The following SDK1 variants were observed in gnomAD, a reference collection of about 807,000 sequenced individuals.
SDK1 encodes the protein protein sidekick-1.
A neutral mutation model predicts 245.5 loss-of-function variants in SDK1; 157 were observed. That is an observed-to-expected ratio of 0.64 (90% CI 0.56 to 0.73). SDK1 has a LOEUF of 0.73. Among genes scored for constraint, SDK1 ranks in the 30% least tolerant of loss-of-function variants. The pLI is 0.00. For missense variants in SDK1, 3,583 were observed against 3,002.3 expected (o/e 1.19, Z -4.52); for synonymous variants, 1,647 against 1,278.5 (o/e 1.29, Z -6.15).
chr7:3,638,969 T>G (rs754348527), intron 2 of SDK1, 35 bp from the exon 3 acceptor site: 3 of 1,318,284 alleles, frequency 2.3e-6, no homozygotes, highest in Non-Finnish European at 3.2e-6. Flanking sequence ...AAACACTGGA[T>G]ATAAGCATTA....
intron 1 of SDK1, among the ~76,000 whole-genome samples, chr7:3,441,396 A>G (rs71527445): frequency 6.7e-6 from 1 of 149,624 alleles, no homozygotes; most frequent in Admixed American, 6.7e-5. Flanking sequence ...AAAACAAAAA[A>G]CAAACAAAAA....
chr7:3,790,018 C>T (rs1020794980), intron 4 of SDK1, among the ~76,000 whole-genome samples: 6 of 152,132 alleles, frequency 3.9e-5, no homozygotes, highest in Admixed American at 3.3e-4. Flanking sequence ...ACCTCTCCCC[C>T]TTCCCGAGGA....
At chr7:3,328,462 G>C (rs922561320) in intron 1 of SDK1, among the ~76,000 whole-genome samples, 44 of 151,804 alleles carry the variant, frequency 2.9e-4, no homozygotes, top group Non-Finnish European at 5.6e-4. Context: ...AGTGTGGCAA[G>C]ACCCAAACTT....
intron 1 of SDK1, among the ~76,000 whole-genome samples, chr7:3,549,306 T>G (rs960692648): frequency 6.6e-6 from 1 of 152,208 alleles, no homozygotes; most frequent in African/African-American, 2.4e-5. Flanking sequence ...GACACAGTAT[T>G]ATTTATTTTT....
rs1485993385 is a variant in SDK1, at chr7:4,070,306, TC to T, written c.3010+2372del. 4.6e-5 allele frequency among the ~76,000 whole-genome samples: 7 copies of T among 152,308 alleles called. No individual in the cohort carries two copies. The South Asian group carries it at 1.4e-3, about 32-fold the overall frequency. ...CCTCATTTCCCGGTTCACTTTGGTT[TC>T]CAGGCAGTACTTGTTTCCTTATCAC... On this transcript the variant is annotated intron_variant, in intron 20 of 44. Coordinates refer to ENST00000404826, the MANE Select transcript of SDK1 (RefSeq NM_152744.4).
chr7:3,866,767 T>C (rs1480143837), intron 5 of SDK1, among the ~76,000 whole-genome samples: 1 of 152,122 alleles, frequency 6.6e-6, no homozygotes, highest in Non-Finnish European at 1.5e-5. Flanking sequence ...AGGAATGGCA[T>C]GCTGTGTTTA....
At chr7:3,687,098 C>T (rs1784308311) in intron 4 of SDK1, among the ~76,000 whole-genome samples, 1 of 148,232 alleles carries the variant, frequency 6.7e-6, no homozygotes. Flanking sequence ...CACACACACA[C>T]ACCACCCTGT....
At chr7:3,710,462 C>G (rs1206462989) in intron 4 of SDK1, among the ~76,000 whole-genome samples, 3 of 152,194 alleles carry the variant, frequency 2.0e-5, no homozygotes, top group Admixed American at 6.5e-5. Context: ...TTATTAAGGA[C>G]TAATGTCATT....
chr7:3,899,289 A>T (rs1465652311), intron 5 of SDK1, among the ~76,000 whole-genome samples: 2 of 152,104 alleles, frequency 1.3e-5, no homozygotes, highest in Non-Finnish European at 2.9e-5. Context: ...TTTCCATGAC[A>T]CATCTGTCCT....
chr7:3,781,211 A>G (rs1481438697), intron 4 of SDK1, among the ~76,000 whole-genome samples: 2 of 152,144 alleles, frequency 1.3e-5, no homozygotes, highest in Admixed American at 1.3e-4. Flanking sequence ...GTAGATCTCA[A>G]TAGTGGCCAA....
At chr7:3,852,059 G>A (rs1318291881) in intron 5 of SDK1, among the ~76,000 whole-genome samples, 10 of 152,134 alleles carry the variant, frequency 6.6e-5, no homozygotes, top group African/African-American at 7.2e-5. Context: ...ATTGCTTGGC[G>A]CTGGAGGTCT....
At chr7:3,676,322 CTTT>C (rs3086109) in intron 4 of SDK1, among the ~76,000 whole-genome samples, 15 of 133,334 alleles carry the variant, frequency 1.1e-4, no homozygotes, top group Non-Finnish European at 1.9e-4. Context: ...TCTTCTAGTA[CTTT>C]TTTTTTTTTT....
intron 18 of SDK1, among the ~76,000 whole-genome samples, chr7:4,050,989 GT>G (rs1253203426): frequency 1.4e-5 from 2 of 138,110 alleles, no homozygotes; most frequent in African/African-American, 5.5e-5. Flanking sequence ...TGCTATATAT[GT>G]TATATATGTT....
At chr7:3,332,433 T>C (rs961245732) in intron 1 of SDK1, among the ~76,000 whole-genome samples, 1 of 152,202 alleles carries the variant, frequency 6.6e-6, no homozygotes, top group Non-Finnish European at 1.5e-5. Context: ...GGGATATGGT[T>C]CAACAGGATC....
intron 30 of SDK1, among the ~76,000 whole-genome samples, chr7:4,155,200 A>G (rs1291235721): frequency 6.7e-6 from 1 of 150,282 alleles, no homozygotes; most frequent in African/African-American, 2.5e-5. Context: ...TTTTGGGGGC[A>G]CTGGCGTGGC....
At chr7:3,888,452 G>A (rs1781386243) in intron 5 of SDK1, among the ~76,000 whole-genome samples, 2 of 152,180 alleles carry the variant, frequency 1.3e-5, no homozygotes, top group South Asian at 4.1e-4. Flanking sequence ...GTACAGAGTG[G>A]ATTCACAGAG....
At chr7:3,401,604 T>A (rs1778889327) in intron 1 of SDK1, among the ~76,000 whole-genome samples, 1 of 152,154 alleles carries the variant, frequency 6.6e-6, no homozygotes, top group Non-Finnish European at 1.5e-5. Flanking sequence ...CCAGCCGTAG[T>A]TCACTGGATG....
At chr7:3,651,197 G>A (rs999241264) in intron 4 of SDK1, among the ~76,000 whole-genome samples, 7 of 149,816 alleles carry the variant, frequency 4.7e-5, no homozygotes, top group Non-Finnish European at 8.9e-5. Flanking sequence ...AATCCCACCA[G>A]CAATGTACGA....
chr7:3,634,121 G>A (rs1486863980), intron 2 of SDK1, among the ~76,000 whole-genome samples: 1 of 152,164 alleles, frequency 6.6e-6, no homozygotes, highest in Non-Finnish European at 1.5e-5. Context: ...AGAGGCAGGT[G>A]AGTGGTCTGG....
Sources: gnomAD v4.1 joint callset for allele counts (sites outside exome capture counted in the v4.1 genomes callset) on GRCh38, gnomAD v4.1.1 for gene constraint, MANE v1.5 for transcripts, NCBI Gene and HGNC (gene_info 2026-07-23, HGNC 2026-07-21) for gene names.